ING3: variants seen among roughly 807,000 people sequenced by gnomAD.
ING3 encodes inhibitor of growth protein 3.
ING3 carries 6 observed loss-of-function variants against 64.8 expected under a neutral mutation model. The ratio of observed to expected loss-of-function variants is 0.09; its 90% CI spans 0.05 to 0.18. The LOEUF is 0.18. Among genes scored for constraint, ING3 ranks in the 10% least tolerant of loss-of-function variants. The probability of loss-of-function intolerance (pLI) is 1.00; values close to 1 mark genes in which losing one functional copy is unlikely to be tolerated. For missense variants in ING3, 310 were observed against 489.7 expected (o/e 0.63, Z 3.46); for synonymous variants, 170 against 173.7 (o/e 0.98, Z 0.17).
rs925280501 is a variant in ING3 at position 120,976,175 on chromosome 7, T to C, written c.*1331T>C. ...CATAGTGGAGGTTTTATTTAAAGTA[T>C]AATATTGAGTCTGGTCGATAGAAAA... On this transcript the variant is annotated 3_prime_UTR_variant, in exon 12 of 12. Transcript: ENST00000315870. The C allele has an allele frequency of 6.6e-6, 1 of 152,196 alleles. No individual in the cohort carries two copies. The highest frequency in any genetic ancestry group is 2.4e-5 in the African/African-American group (1 of 41,454). The allele number at this position is 152,196 out of a possible 1,614,324, so 9.4% of individuals were successfully genotyped here.
chr7:120,956,026 G>A (rs772579378), intron 4 of ING3: 9 of 682,298 alleles, frequency 1.3e-5, no homozygotes, highest in Non-Finnish European at 2.3e-5. Flanking sequence ...GTTCTTGGTA[G>A]TCTGATTAAA....
At chr7:120,966,960 T>A (rs1163764187) in intron 6 of ING3, among the ~76,000 whole-genome samples, 3 of 152,170 alleles carry the variant, frequency 2.0e-5, no homozygotes, top group Non-Finnish European at 4.4e-5. Flanking sequence ...CATACCTGAT[T>A]CTCCTTAGGG....
At chr7:120,968,192 G>C (rs1022273046) in intron 8 of ING3, 101 bp downstream of exon 8, 41 of 1,032,408 alleles carry the variant, frequency 4.0e-5, no homozygotes, top group Non-Finnish European at 5.5e-5. Context: ...TTCTAACGTT[G>C]TATATTTTCA....
At chr7:120,957,717 G>C (rs558284198) in intron 4 of ING3, among the ~76,000 whole-genome samples, 1 of 152,274 alleles carries the variant, frequency 6.6e-6, no homozygotes, top group South Asian at 2.1e-4. Context: ...ATTGAGAAGG[G>C]ATAGATTCCA....
rs968971533 is a variant in ING3 at position 120,956,621 on chromosome 7, T to G, written c.267+997T>G. 7.2e-5 allele frequency: 71 copies of G among 988,122 alleles called. 1 individual carries two copies. The African/African-American group carries it at 1.2e-3, about 16-fold the overall frequency. The allele number at this position is 988,122 out of a possible 1,614,324, so 61.2% of individuals were successfully genotyped here. On this transcript the variant is annotated intron_variant, in intron 4 of 11. Transcript: ENST00000315870. The stretch of plus-strand genomic sequence containing the variant: ...GTTCATAGAGTTATTCTGAAAAAAA[T>G]TTCATAAAAGACACTGCCTAAAGAT...
In ING3 at chr7:120,950,847, A is replaced by C. The variant is rs913793196; in HGVS notation, c.-50A>C. On this transcript the variant is annotated 5_prime_UTR_variant, in exon 1 of 12. Transcript: ENST00000315870. ...GACAAAACTCCGGCGACAGCGAGTG[A>C]CACAAATAAACCCCTGGACCCCCTT... 6.3e-7 allele frequency: 1 copy of C among 1,587,786 alleles called. No homozygotes were observed. Among genetic ancestry groups the C allele is most frequent in the Non-Finnish European group, 8.6e-7 (1 of 1,165,070 alleles).
At position 120,974,868 on chromosome 7, in the gene ING3, G is replaced by T; in HGVS notation, c.*24G>T. 7 of 1,499,502 alleles carry T rather than the reference G, an allele frequency of 4.7e-6. No homozygotes were observed. Among genetic ancestry groups the T allele is most frequent in the Non-Finnish European group, 6.4e-6 (7 of 1,086,720 alleles). 92.9% of individuals were successfully genotyped at this position (1,499,502 alleles called of 1,614,324 possible). On this transcript the variant is annotated 3_prime_UTR_variant, in exon 12 of 12. Coordinates refer to ENST00000315870, the MANE Select transcript of ING3 (RefSeq NM_019071.3). ...AAAGGTGGTCCTTTTGTTTGATGAAGAAATAAACTTCAGCTGAAGATTTTA... is the reference window on the plus strand; with the variant it reads ...AAAGGTGGTCCTTTTGTTTGATGAATAAATAAACTTCAGCTGAAGATTTTA...
At chr7:120,957,365 C>CT (rs1795865120) in intron 4 of ING3, among the ~76,000 whole-genome samples, 2 of 150,460 alleles carry the variant, frequency 1.3e-5, no homozygotes, top group East Asian at 3.9e-4. Flanking sequence ...GAGAGCGACT[C>CT]TGTCTTAAAA....
intron 9 of ING3, 31 bp from the exon 10 acceptor site, chr7:120,970,657 G>A (rs1294099441): frequency 6.2e-7 from 1 of 1,608,484 alleles, no homozygotes; most frequent in African/African-American, 1.3e-5. Flanking sequence ...TCTGGATGGT[G>A]AGCAAATAAA....
intron 10 of ING3, among the ~76,000 whole-genome samples, chr7:120,972,621 G>T (rs927811259): frequency 2.0e-5 from 3 of 152,008 alleles, no homozygotes; most frequent in Non-Finnish European, 4.4e-5. Context: ...CTCTGCATAG[G>T]ACCATGTAAA....
intron 2 of ING3, among the ~76,000 whole-genome samples, chr7:120,952,491 T>C (rs999331089): frequency 2.6e-5 from 4 of 152,216 alleles, no homozygotes; most frequent in African/African-American, 9.6e-5. Flanking sequence ...GGGCTTACAT[T>C]ATACATATTA....
intron 3 of ING3, 146 bp from the exon 4 acceptor site, chr7:120,955,413 T>C: frequency 1.7e-6 from 1 of 586,802 alleles, no homozygotes; most frequent in Non-Finnish European, 2.9e-6. Context: ...CGTGAGCCAC[T>C]GCCCCTGGCC....
rs758457961 is a variant in ING3, at chr7:120,950,867, C to T, written c.-30C>T. On this transcript the variant is annotated 5_prime_UTR_variant, in exon 1 of 12. Transcript: ENST00000315870. Reference sequence around the variant, plus strand: ...GAGTGACACAAATAAACCCCTGGACCCCCTTGTTCCCTCAGCTCTAAGGGC... The same window carrying T: ...GAGTGACACAAATAAACCCCTGGACTCCCTTGTTCCCTCAGCTCTAAGGGC... 3 of 1,613,348 alleles carry T rather than the reference C, an allele frequency of 1.9e-6. No individual in the cohort carries two copies. Among genetic ancestry groups the T allele is most frequent in the African/African-American group, 1.3e-5 (1 of 74,922 alleles).
chr7:120,960,130 T>C (rs1377958147), intron 4 of ING3, among the ~76,000 whole-genome samples: 2 of 152,094 alleles, frequency 1.3e-5, no homozygotes, highest in Non-Finnish European at 1.5e-5. Flanking sequence ...GAACCACCTG[T>C]TGGAAAAGCT....
intron 5 of ING3, among the ~76,000 whole-genome samples, chr7:120,965,861 A>G (rs569297379): frequency 6.6e-6 from 1 of 152,298 alleles, no homozygotes; most frequent in East Asian, 1.9e-4. Flanking sequence ...GTATTTTGAG[A>G]CAAAATTAAA....
rs1280399680 is a variant in ING3, at chr7:120,967,516, T to A, written c.437-13T>A. 6.7e-7 allele frequency: 1 copy of A among 1,502,684 alleles called. No individual in the cohort carries two copies. The highest frequency in any genetic ancestry group is 1.2e-5 in the South Asian group (1 of 80,748). The allele number at this position is 1,502,684 out of a possible 1,614,324, so 93.1% of individuals were successfully genotyped here. ...AAAGTTTAAAAACACATGAATTTTT[T>A]ATTTATATTTAGAAAGGAAATATAA... On this transcript the variant is annotated splice_polypyrimidine_tract_variant and intron_variant, in intron 6 of 11. Transcript: ENST00000315870.
At chr7:120,951,426 C>G (rs1207036127) in intron 2 of ING3, among the ~76,000 whole-genome samples, 191 bp downstream of exon 2, 4 of 152,176 alleles carry the variant, frequency 2.6e-5, no homozygotes, top group Non-Finnish European at 4.4e-5. Flanking sequence ...TTTTTTCTGG[C>G]TTTTGCAAGA....
intron 3 of ING3, among the ~76,000 whole-genome samples, chr7:120,954,891 T>C: frequency 6.7e-6 from 1 of 149,286 alleles, no homozygotes; most frequent in Non-Finnish European, 1.5e-5. Flanking sequence ...AGCTGAACTT[T>C]AACAAAAATT....
chr7:120,963,995 TTTAATA>T (rs1397348267), intron 4 of ING3, among the ~76,000 whole-genome samples: 6 of 152,130 alleles, frequency 3.9e-5, no homozygotes, highest in African/African-American at 1.2e-4. Flanking sequence ...TATTAAAATA[TTTAATA>T]TTAAGTTTAA....
Sources: gnomAD v4.1 joint callset for allele counts (sites outside exome capture counted in the v4.1 genomes callset) on GRCh38, gnomAD v4.1.1 for gene constraint, MANE v1.5 for transcripts, NCBI Gene and HGNC (gene_info 2026-07-23, HGNC 2026-07-21) for gene names.